ALDH16A1: variants seen among roughly 807,000 people sequenced by gnomAD.
ALDH16A1 encodes aldehyde dehydrogenase family 16 member A1.
A neutral mutation model predicts 96.1 loss-of-function variants in ALDH16A1; 88 were observed. The observed-to-expected ratio is 0.92, with a 90% CI of 0.77 to 1.09. The LOEUF (loss-of-function observed/expected upper bound fraction) is 1.09. Among genes scored for constraint, ALDH16A1 ranks in the 50% least tolerant of loss-of-function variants. The probability of loss-of-function intolerance (pLI) is 0.00; values close to 1 mark genes in which losing one functional copy is unlikely to be tolerated. For missense variants in ALDH16A1, 1,250 were observed against 1,112.6 expected, an observed-to-expected ratio of 1.12 and a Z score of -1.76; for synonymous variants, 522 against 496.4, an observed-to-expected ratio of 1.05 and a Z score of -0.69.
At chr19:49,461,157 C>T in intron 5 of ALDH16A1, among the ~76,000 whole-genome samples, 1 of 137,802 alleles carries the variant, frequency 7.3e-6, no homozygotes, top group African/African-American at 3.0e-5. Context: ...GTCTGGACTC[C>T]TGGGTCTGAG....
chr19:49,457,270 G>A (rs147224075), intron 1 of ALDH16A1, among the ~76,000 whole-genome samples: 36 of 151,156 alleles, frequency 2.4e-4, no homozygotes, highest in East Asian at 6.0e-4. Flanking sequence ...GGAGAAGTCC[G>A]GGCGCAGTGG....
Position 49,461,793 on chromosome 19 carries a change from C to A in ALDH16A1, c.752C>A (p.Ala251Asp), listed in dbSNP as rs764442560. 1 of 1,610,832 alleles carries A rather than the reference C, an allele frequency of 6.2e-7. No homozygotes were observed. Among genetic ancestry groups the A allele is most frequent in the Non-Finnish European group, 8.5e-7 (1 of 1,178,680 alleles). ...ATCCGGAAGGTGGCCTTCTGCGGAG[C>A]CCCGGAGGTACCTTCGGGACAGGGG... ...PGIRKVAFCG[A>D]PEEGRALRRS... The change falls in exon 6 of 17, where the codon GCC becomes GAC. Residue 251 changes from alanine (A) to aspartate (D), a missense_variant. Ala to Asp is a moderately radical substitution (Grantham distance 126). Coordinates refer to ENST00000293350, the MANE Select transcript of ALDH16A1 (RefSeq NM_153329.4).
chr19:49,462,540 G>A (rs577912939), intron 7 of ALDH16A1, 30 bp from the exon 8 acceptor site: 30 of 1,605,884 alleles, frequency 1.9e-5, no homozygotes, highest in South Asian at 1.6e-4. Flanking sequence ...GTGCAATGGT[G>A]TGATCTCCTG....
rs558629184 is a variant in ALDH16A1, at chr19:49,468,558, G to A, written c.2116G>A (p.Val706Ile). 5 of 1,604,022 alleles carry A rather than the reference G, an allele frequency of 3.1e-6. No homozygotes were observed. The highest frequency in any genetic ancestry group is 4.2e-6 in the Non-Finnish European group (5 of 1,179,868). The stretch of plus-strand genomic sequence containing the variant: ...GGCCTGTCCTCTGCTGGCCCTGGAG[G>A]TCTGCCAGGTATAGCCCCCTGCCTT... ...SAACPLLALE[V>I]CQDMATVFPA... The change falls in exon 15 of 17, where the codon GTC (valine) becomes ATC (isoleucine). Residue 706 changes from valine to isoleucine, a missense_variant. By Grantham distance (29) the Val-to-Ile change is conservative. Coordinates refer to ENST00000293350, the MANE Select transcript of ALDH16A1 (RefSeq NM_153329.4). The surrounding 1 kb of genome is among the most constrained non-coding windows in gnomAD (Gnocchi z 4.4).
Position 49,468,723 on chromosome 19 carries a change from A to C in ALDH16A1, c.2125-141A>C, listed in dbSNP as rs1288280853. On this transcript the variant is annotated intron_variant, in intron 15 of 16. Coordinates refer to ENST00000293350, the MANE Select transcript of ALDH16A1 (RefSeq NM_153329.4). This position sits in a 1 kb window ranked among gnomAD's most constrained non-coding sequence, Gnocchi z 4.4. ...CCAAACCTTCACTCCTTGGGGACCC[A>C]GTGCCCATTCTTCACCCTAGGCCTG... 1.5e-6 allele frequency: 2 copies of C among 1,351,262 alleles called. No homozygotes were observed. The highest frequency in any genetic ancestry group is 2.0e-6 in the Non-Finnish European group (2 of 990,106). The allele number at this position is 1,351,262 out of a possible 1,614,324, so 83.7% of individuals were successfully genotyped here.
At chr19:49,456,125 G>C (rs1043761389) in intron 1 of ALDH16A1, among the ~76,000 whole-genome samples, 2 of 152,008 alleles carry the variant, frequency 1.3e-5, no homozygotes, top group Admixed American at 6.6e-5. Flanking sequence ...TTTTTCTTTT[G>C]GGGGGAAGCT....
rs2079236845 is a variant in ALDH16A1, at chr19:49,470,480, A to G, written c.*13A>G. On this transcript the variant is annotated 3_prime_UTR_variant, in exon 17 of 17. Coordinates refer to ENST00000293350, the MANE Select transcript of ALDH16A1 (RefSeq NM_153329.4). ...TATGGGGGACTGATGCCTGAGCGCC[A>G]CCTACTGCATTTTGGACACCTCACA... 1.3e-6 allele frequency: 2 copies of G among 1,540,910 alleles called. No individual in the cohort carries two copies. Among genetic ancestry groups the G allele is most frequent in the African/African-American group, 2.8e-5 (2 of 72,044 alleles).
rs2079136084 is a variant in ALDH16A1, at chr19:49,460,888, C to T, written c.566C>T (p.Ala189Val). ...FLEMMWRICP[A>V]LAVGCTVVAL... ...GAGATGATGTGGAGGATTTGCCCTG[C>T]CCTGGCTGTGGGTAAATGATGGCCT... The change falls in exon 5 of 17, where the codon GCC becomes GTC. Residue 189 changes from alanine to valine, a missense_variant. Physicochemically the swap from Ala to Val is moderately conservative, Grantham distance 64 (BLOSUM62 0). Transcript: ENST00000293350. 2 of 1,613,480 alleles carry T rather than the reference C, an allele frequency of 1.2e-6. No homozygotes were observed. Among genetic ancestry groups the T allele is most frequent in the African/African-American group, 1.3e-5 (1 of 75,026 alleles).
Position 49,464,486 on chromosome 19 carries a change from C to G in ALDH16A1, c.1401C>G (p.Cys467Trp), listed in dbSNP as rs1373869381. 1.9e-6 allele frequency: 3 copies of G among 1,613,468 alleles called. No individual in the cohort carries two copies. Among genetic ancestry groups the G allele is most frequent in the Middle Eastern group, 3.3e-4 (2 of 6,084 alleles). ...LRDPSVPTGG[C>W]KESGCSWHGG... ...ACCCTTCGGTGCCCACAGGCGGCTGCAAGGAGAGTGGGTGTTCCTGGCACG... is the reference window on the plus strand; with the variant it reads ...ACCCTTCGGTGCCCACAGGCGGCTGGAAGGAGAGTGGGTGTTCCTGGCACG... Residue 467 changes from cysteine to tryptophan, a missense_variant, in exon 11 of 17, where the codon TGC becomes TGG. By Grantham distance (215) the Cys-to-Trp change is radical. Coordinates refer to ENST00000293350, the MANE Select transcript of ALDH16A1 (RefSeq NM_153329.4).
intron 14 of ALDH16A1, among the ~76,000 whole-genome samples, chr19:49,467,481 G>A (rs2079208457): frequency 6.7e-6 from 1 of 149,976 alleles, no homozygotes; most frequent in African/African-American, 2.5e-5. Flanking sequence ...TGCAACCTCT[G>A]CATCCCAGGT....
Position 49,453,225 on chromosome 19 carries a change from AG to A in ALDH16A1, c.-106del. On this transcript the variant is annotated 5_prime_UTR_variant, in exon 1 of 17. Transcript: ENST00000293350. ...CTTGTAGCCCCACCCCATTCCCATT[AG>A]CCCCGCCCCTTTGGGCTGGAACCGG... The A allele has an allele frequency of 2.5e-6, 2 of 802,882 alleles. No individual in the cohort carries two copies. Among genetic ancestry groups the A allele is most frequent in the Non-Finnish European group, 3.7e-6 (2 of 538,500 alleles). The allele number at this position is 802,882 out of a possible 1,614,324, so 49.7% of individuals were successfully genotyped here.
intron 1 of ALDH16A1, among the ~76,000 whole-genome samples, chr19:49,455,584 C>T (rs117411923): frequency 1.7e-3 from 263 of 151,704 alleles, no homozygotes; most frequent in Middle Eastern, 3.4e-3. Flanking sequence ...CAGAATAAGA[C>T]CCTGTCCCCC....
chr19:49,458,923 A>C, intron 2 of ALDH16A1, 37 bp from the exon 3 acceptor site: 2 of 1,599,364 alleles, frequency 1.3e-6, no homozygotes. Context: ...GACATGGGCT[A>C]CTCCTCCCAT....
chr19:49,455,067 GA>G (rs2079096972), intron 1 of ALDH16A1, among the ~76,000 whole-genome samples: 1 of 147,550 alleles, frequency 6.8e-6, no homozygotes, highest in Non-Finnish European at 1.5e-5. Flanking sequence ...GCAGTAAGCT[GA>G]GATTGCACCA....
Position 49,459,104 on chromosome 19 carries a change from T to G in ALDH16A1, c.320+18T>G. On this transcript the variant is annotated intron_variant, in intron 3 of 16. Coordinates refer to ENST00000293350, the MANE Select transcript of ALDH16A1 (RefSeq NM_153329.4). This position sits in a 1 kb window ranked among gnomAD's most constrained non-coding sequence, Gnocchi z 4.1. ...CTGACCAGGTGATGCAGCTGAGGTGTGGACCCCGGGAGGCGGGGAACCCCA... is the reference window on the plus strand; with the variant it reads ...CTGACCAGGTGATGCAGCTGAGGTGGGGACCCCGGGAGGCGGGGAACCCCA... The G allele has an allele frequency of 1.2e-6, 2 of 1,603,732 alleles. No homozygotes were observed. Among genetic ancestry groups the G allele is most frequent in the Non-Finnish European group, 1.7e-6 (2 of 1,173,116 alleles).
chr19:49,464,263 G>T lies in ALDH16A1; in HGVS notation c.1331G>T (p.Gly444Val). 1.2e-6 allele frequency: 2 copies of T among 1,601,484 alleles called. No homozygotes were observed. The highest frequency in any genetic ancestry group is 1.7e-6 in the Non-Finnish European group (2 of 1,178,846). The change falls in exon 10 of 17, where the codon GGG becomes GTG. Residue 444 changes from glycine (G) to valine (V), a missense_variant and splice_region_variant. Gly to Val is a moderately radical substitution (Grantham distance 109, BLOSUM62 -3). Transcript: ENST00000293350. ...RLGQALELGY[G>V]LQVGTVWINA... ...GGGCAGGCGCTGGAGCTGGGCTATGGGTCAGTCTGCGTGGCCCGGGCGCTC... is the reference window on the plus strand; with the variant it reads ...GGGCAGGCGCTGGAGCTGGGCTATGTGTCAGTCTGCGTGGCCCGGGCGCTC...
intron 1 of ALDH16A1, among the ~76,000 whole-genome samples, chr19:49,454,086 G>C (rs1414796334): frequency 6.9e-6 from 1 of 144,086 alleles, no homozygotes; most frequent in South Asian, 2.2e-4. Flanking sequence ...GTGCACTGGC[G>C]CTATCACACC....
intron 12 of ALDH16A1, 82 bp from the exon 13 acceptor site, chr19:49,465,656 G>A: frequency 7.4e-6 from 11 of 1,478,158 alleles, no homozygotes; most frequent in Non-Finnish European, 1.0e-5. Context: ...GGGAGCCAAG[G>A]CAGTCTTCCC....
chr19:49,458,700 G>A, intron 2 of ALDH16A1, 112 bp downstream of exon 2: 1 of 1,206,614 alleles, frequency 8.3e-7, no homozygotes, highest in Non-Finnish European at 1.2e-6. Flanking sequence ...AACAGCTGGT[G>A]GTGGGAGATG....
Sources: allele counts gnomAD v4.1 joint callset (sites outside exome capture counted in the v4.1 genomes callset), GRCh38; gene constraint gnomAD v4.1.1; non-coding constraint Gnocchi (gnomAD v3.1); transcripts MANE v1.5; gene names NCBI Gene and HGNC (gene_info 2026-07-23, HGNC 2026-07-21).